Variants in TGFBRAP1 observed in about 807,000 individuals in gnomAD.
The protein encoded by TGFBRAP1 is transforming growth factor-beta receptor-associated protein 1.
TGFBRAP1 carries 20 observed loss-of-function variants against 83.2 expected under a neutral mutation model. The ratio of observed to expected loss-of-function variants is 0.24; its 90% CI spans 0.17 to 0.35. The LOEUF is 0.35. Ranked by LOEUF, TGFBRAP1 falls within the 10% of genes least tolerant of loss-of-function variation. The pLI is 1.00. For synonymous variants in TGFBRAP1, 415 were observed against 459.8 expected, an observed-to-expected ratio of 0.90 and a Z score of 1.25; for missense variants, 950 against 1,099.4, an observed-to-expected ratio of 0.86 and a Z score of 1.92.
At chr2:105,261,303 C>T (rs1302185798), downstream of TGFBRAP1, among the ~76,000 whole-genome samples, 1 of 152,140 alleles carries the variant, frequency 6.6e-6, no homozygotes, top group East Asian at 1.9e-4. Context: ...CATCTTAGCT[C>T]ACATTCCTGT....
At position 105,269,730 on chromosome 2, in the gene TGFBRAP1, G is replaced by A. The variant is rs755138827; in HGVS notation, c.1973-25C>T. The A allele has an allele frequency of 6.7e-7, 1 of 1,486,568 alleles. No homozygotes were observed. Among genetic ancestry groups the A allele is most frequent in the Non-Finnish European group, 8.9e-7 (1 of 1,121,012 alleles). The allele number at this position is 1,486,568 out of a possible 1,614,324, so 92.1% of individuals were successfully genotyped here. A position where few individuals can be genotyped will look rare whatever the true frequency, so the allele number is the denominator to read the frequency against. ...TCTGCAAGACAGAACCTGCAGCTCA[G>A]AAAGAAAGGGGCTCGCCGGCCACCC... On this transcript the variant is annotated intron_variant, in intron 10 of 11. Transcript: ENST00000393359. This position sits in a 1 kb window ranked among gnomAD's most constrained non-coding sequence, Gnocchi z 4.1.
chr2:105,274,261 C>T (rs915763735), intron 8 of TGFBRAP1, among the ~76,000 whole-genome samples: 1 of 152,158 alleles, frequency 6.6e-6, no homozygotes, highest in African/African-American at 2.4e-5. Flanking sequence ...AGGCACTGGT[C>T]CAATCCTCTG....
At chr2:105,319,114 G>A (rs1485621033) in intron 1 of TGFBRAP1, among the ~76,000 whole-genome samples, 1 of 152,076 alleles carries the variant, frequency 6.6e-6, no homozygotes, top group Admixed American at 6.5e-5. Flanking sequence ...AGGCTGGAGT[G>A]CAGTGGTGTA....
In TGFBRAP1 at chr2:105,269,257, G is replaced by A. The variant is rs1677058346; in HGVS notation, c.2406+15C>T. The A allele has an allele frequency of 6.4e-7, 1 of 1,567,254 alleles. No homozygotes were observed. Among genetic ancestry groups the A allele is most frequent in the Non-Finnish European group, 8.7e-7 (1 of 1,149,954 alleles). ...TTGACTGACCAGGAAGCAGCTCGTG[G>A]GGGCCAGCACTTACCTTATCGTAGG... On this transcript the variant is annotated intron_variant, in intron 11 of 11. Coordinates refer to ENST00000393359, the MANE Select transcript of TGFBRAP1 (RefSeq NM_004257.6). This position sits in a 1 kb window ranked among gnomAD's most constrained non-coding sequence, Gnocchi z 4.1.
chr2:105,258,695 G>A, the TGFBRAP1 span, among the ~76,000 whole-genome samples: 1 of 144,654 alleles, frequency 6.9e-6, no homozygotes, highest in Non-Finnish European at 1.5e-5. Flanking sequence ...CAATAAATCA[G>A]TCTCTCAATC....
the TGFBRAP1 span, among the ~76,000 whole-genome samples, chr2:105,251,540 T>C: frequency 2.7e-5 from 4 of 147,264 alleles, no homozygotes; most frequent in South Asian, 2.2e-4. Flanking sequence ...GCCCCCCGCC[T>C]GGCCAGCCAC....
intron 5 of TGFBRAP1, 35 bp from the exon 6 acceptor site, chr2:105,280,758 A>G: frequency 6.3e-7 from 1 of 1,579,844 alleles, no homozygotes; most frequent in African/African-American, 1.3e-5. Context: ...TGAAGCAAAA[A>G]GAGAGAAGAG....
At chr2:105,316,422 T>A (rs193128584) in intron 1 of TGFBRAP1, among the ~76,000 whole-genome samples, 17 of 47,504 alleles carry the variant, frequency 3.6e-4, no homozygotes, top group African/African-American at 1.5e-3. Flanking sequence ...GTATAGGGAG[T>A]GTGTGTGTGT....
Position 105,267,227 on chromosome 2 carries a change from G to T in TGFBRAP1, c.*156C>A. The stretch of plus-strand genomic sequence containing the variant: ...GTACATTCATAGAGCCTGGTCAGCA[G>T]CGAGGAGTCCTTGTTGCGTATGGAC... On this transcript the variant is annotated 3_prime_UTR_variant, in exon 12 of 12. Transcript: ENST00000393359. 2.5e-6 allele frequency: 2 copies of T among 805,674 alleles called. No homozygotes were observed. The allele number at this position is 805,674 out of a possible 1,614,324, so 49.9% of individuals were successfully genotyped here.
intron 2 of TGFBRAP1, among the ~76,000 whole-genome samples, chr2:105,303,430 C>A (rs983688224): frequency 6.6e-6 from 1 of 152,106 alleles, no homozygotes; most frequent in Non-Finnish European, 1.5e-5. Flanking sequence ...AAGAAATGTA[C>A]GAGGTGATCT....
chr2:105,308,756 C>A (rs1205106563), intron 1 of TGFBRAP1, among the ~76,000 whole-genome samples: 1 of 142,190 alleles, frequency 7.0e-6, no homozygotes, highest in African/African-American at 2.8e-5. Context: ...TATAATGAGA[C>A]CCCATTTAAA....
chr2:105,255,661 C>A, the TGFBRAP1 span, among the ~76,000 whole-genome samples: 1 of 152,142 alleles, frequency 6.6e-6, no homozygotes, highest in Non-Finnish European at 1.5e-5. Context: ...GGGCTTACAC[C>A]CCAACCACCT....
In TGFBRAP1 at chr2:105,266,004, T is replaced by C. The variant is rs1676918632; in HGVS notation, c.*1379A>G. On this transcript the variant is annotated 3_prime_UTR_variant, in exon 12 of 12. Transcript: ENST00000393359. Reference sequence around the variant, plus strand: ...CAAGCTGACGCTTGTTTCCCAAGCATGATAGTAGTGGGTAGACTGCCTTTA... The same window carrying C: ...CAAGCTGACGCTTGTTTCCCAAGCACGATAGTAGTGGGTAGACTGCCTTTA... The C allele has an allele frequency of 6.6e-6, 1 of 152,214 alleles. No individual in the cohort carries two copies. The highest frequency in any genetic ancestry group is 6.5e-5 in the Admixed American group (1 of 15,282). 9.4% of individuals were successfully genotyped at this position (152,214 alleles called of 1,614,324 possible).
chr2:105,298,482 T>A, intron 3 of TGFBRAP1, 29 bp downstream of exon 3: 1 of 1,539,590 alleles, frequency 6.5e-7, no homozygotes, highest in Non-Finnish European at 8.8e-7. Context: ...TTAAGTAAAT[T>A]TCACTAAGAC....
chr2:105,307,063 C>T (rs777475656), intron 2 of TGFBRAP1, among the ~76,000 whole-genome samples: 19 of 152,024 alleles, frequency 1.2e-4, no homozygotes, highest in Non-Finnish European at 2.5e-4. Flanking sequence ...AAGGTGGGGA[C>T]TTAAGGCAGA....
intron 2 of TGFBRAP1, among the ~76,000 whole-genome samples, chr2:105,303,092 G>C (rs887862777): frequency 6.6e-6 from 1 of 152,188 alleles, no homozygotes; most frequent in Admixed American, 6.5e-5. Context: ...TACAATGATG[G>C]ATTGGTTCTA....
rs537324905 is a variant in TGFBRAP1, at chr2:105,269,755, C to T, written c.1973-50G>A. 251 of 1,444,968 alleles carry T rather than the reference C, an allele frequency of 1.7e-4. 1 individual carries two copies. The South Asian group carries it at 2.7e-3, about 15-fold the overall frequency. 89.5% of individuals were successfully genotyped at this position (1,444,968 alleles called of 1,614,324 possible). ...GAAAGAAAGGGGCTCGCCGGCCACC[C>T]GCCCAGCGACTGGCCTCCTTGCTGC... On this transcript the variant is annotated intron_variant, in intron 10 of 11. Coordinates refer to ENST00000393359, the MANE Select transcript of TGFBRAP1 (RefSeq NM_004257.6). This position sits in a 1 kb window ranked among gnomAD's most constrained non-coding sequence, Gnocchi z 4.1.
In TGFBRAP1 at chr2:105,267,496, G is replaced by T. The variant is rs368496336; in HGVS notation, c.2470C>A (p.Pro824Thr). 1.2e-5 allele frequency: 20 copies of T among 1,614,208 alleles called. No individual in the cohort carries two copies. The highest frequency in any genetic ancestry group is 2.7e-5 in the African/African-American group (2 of 75,042). Residue 824 changes from proline (P) to threonine (T), a missense_variant, in exon 12 of 12, where the codon CCC becomes ACC. Physicochemically the swap from Pro to Thr is conservative, Grantham distance 38. Coordinates refer to ENST00000393359, the MANE Select transcript of TGFBRAP1 (RefSeq NM_004257.6). ...DKKLCQICQN[P>T]FCEPVFVRYP... ...CTAACAAACACAGGCTCACAAAAGGGATTTTGGCATATCTGACAAAGCTTT... is the reference window on the plus strand; with the variant it reads ...CTAACAAACACAGGCTCACAAAAGGTATTTTGGCATATCTGACAAAGCTTT...
chr2:105,307,430 G>A (rs1029704256), intron 2 of TGFBRAP1, among the ~76,000 whole-genome samples, 184 bp downstream of exon 2: 21 of 152,128 alleles, frequency 1.4e-4, no homozygotes, highest in Admixed American at 1.3e-4. Flanking sequence ...CCAACCCCAC[G>A]TTCACAGAAC....
Sources: allele counts gnomAD v4.1 joint callset (sites outside exome capture counted in the v4.1 genomes callset), GRCh38; gene constraint gnomAD v4.1.1; non-coding constraint Gnocchi (gnomAD v3.1); transcripts MANE v1.5; gene names NCBI Gene and HGNC (gene_info 2026-07-23, HGNC 2026-07-21).